GRID2: variants seen among roughly 807,000 people sequenced by gnomAD.
The protein encoded by GRID2 is glutamate receptor ionotropic, delta-2.
Under a neutral mutation model 114.8 loss-of-function variants are expected in GRID2, and 33 were observed. The observed-to-expected ratio is 0.29, with a 90% CI of 0.22 to 0.38. GRID2 has a LOEUF of 0.38. Ranked by LOEUF, GRID2 falls within the 10% of genes least tolerant of loss-of-function variation. GRID2 has a pLI of 1.00. For missense variants in GRID2, 1,184 were observed against 1,257.7 expected, an observed-to-expected ratio of 0.94 and a Z score of 0.89; for synonymous variants, 505 against 449.9, an observed-to-expected ratio of 1.12 and a Z score of -1.55.
At chr4:93,338,540 T>C (rs1759320201) in intron 8 of GRID2, among the ~76,000 whole-genome samples, 1 of 152,164 alleles carries the variant, frequency 6.6e-6, no homozygotes, top group Admixed American at 6.6e-5. Flanking sequence ...TTGAATATAA[T>C]TTTTATAATA....
At chr4:92,953,715 A>C (rs1440927366) in intron 2 of GRID2, among the ~76,000 whole-genome samples, 2 of 152,208 alleles carry the variant, frequency 1.3e-5, no homozygotes, top group East Asian at 3.9e-4. Context: ...TCTCACTGAG[A>C]GTCCCAACAA....
chr4:93,459,303 A>T (rs1037285494), intron 11 of GRID2, among the ~76,000 whole-genome samples: 7 of 152,142 alleles, frequency 4.6e-5, no homozygotes, highest in Non-Finnish European at 1.0e-4. Context: ...CTGTATTTAT[A>T]AAATAGGACA....
intron 8 of GRID2, among the ~76,000 whole-genome samples, chr4:93,312,827 G>A (rs757899355): frequency 6.6e-6 from 1 of 152,122 alleles, no homozygotes; most frequent in Non-Finnish European, 1.5e-5. Context: ...CTTAATCAGA[G>A]CGTTGTTAAT....
chr4:93,597,236 T>C (rs1260613109), intron 13 of GRID2, among the ~76,000 whole-genome samples: 1 of 152,238 alleles, frequency 6.6e-6, no homozygotes, highest in Admixed American at 6.5e-5. Flanking sequence ...TTTAACAAAT[T>C]GAAAATTAAT....
At chr4:92,393,055 T>C (rs1482537287) in intron 1 of GRID2, among the ~76,000 whole-genome samples, 1 of 152,076 alleles carries the variant, frequency 6.6e-6, no homozygotes, top group Non-Finnish European at 1.5e-5. Flanking sequence ...CTTTTACTCA[T>C]GGGGGAAGGT....
At chr4:92,831,384 T>C (rs1359105575) in intron 2 of GRID2, among the ~76,000 whole-genome samples, 3 of 151,940 alleles carry the variant, frequency 2.0e-5, no homozygotes, top group South Asian at 2.1e-4. Flanking sequence ...AAAAAGGTAA[T>C]GTACAACTCA....
chr4:93,521,156 G>T (rs1730299584), intron 13 of GRID2, among the ~76,000 whole-genome samples: 1 of 152,140 alleles, frequency 6.6e-6, no homozygotes, highest in African/African-American at 2.4e-5. Context: ...GAGGGATGGA[G>T]TTGCCATTTA....
intron 2 of GRID2, among the ~76,000 whole-genome samples, chr4:93,008,736 G>A (rs1415101387): frequency 5.3e-5 from 8 of 151,882 alleles, no homozygotes; most frequent in East Asian, 1.9e-4. Context: ...CTTTTGCATC[G>A]GCCATAGATA....
chr4:92,445,145 A>T (rs1733384243), intron 1 of GRID2, among the ~76,000 whole-genome samples: 1 of 152,168 alleles, frequency 6.6e-6, no homozygotes, highest in Admixed American at 6.5e-5. Context: ...CTCTTAACTC[A>T]TTTGATCTTG....
chr4:93,340,130 A>G (rs1379863755), intron 8 of GRID2, among the ~76,000 whole-genome samples: 2 of 151,558 alleles, frequency 1.3e-5, no homozygotes, highest in Non-Finnish European at 2.9e-5. Flanking sequence ...TTCCTTTTTG[A>G]TTTTTTTGTG....
chr4:92,534,508 C>T (rs1350699014), intron 1 of GRID2, among the ~76,000 whole-genome samples: 2 of 152,120 alleles, frequency 1.3e-5, no homozygotes, highest in Non-Finnish European at 2.9e-5. Context: ...AGTTTAAATA[C>T]TGAACAAGTC....
intron 10 of GRID2, among the ~76,000 whole-genome samples, chr4:93,427,732 T>C (rs1768991137): frequency 6.6e-6 from 1 of 152,032 alleles, no homozygotes; most frequent in Non-Finnish European, 1.5e-5. Flanking sequence ...ATTGATATGA[T>C]GTACATATGG....
intron 1 of GRID2, among the ~76,000 whole-genome samples, chr4:92,332,977 T>C (rs977926907): frequency 2.0e-5 from 3 of 152,160 alleles, no homozygotes; most frequent in African/African-American, 7.2e-5. Context: ...CAAGTCTACT[T>C]GGCTGGAATT....
intron 1 of GRID2, among the ~76,000 whole-genome samples, chr4:92,444,526 G>A (rs62598625): frequency 1.6e-4 from 25 of 152,128 alleles, no homozygotes; most frequent in South Asian, 4.1e-4. Context: ...GTGGTGGAAT[G>A]TCATCAGTTA....
intron 2 of GRID2, among the ~76,000 whole-genome samples, chr4:92,777,155 T>C (rs192051799): frequency 6.6e-6 from 1 of 151,846 alleles, no homozygotes; most frequent in East Asian, 1.9e-4. Flanking sequence ...CTGGTAAAAA[T>C]TACCTTGAAA....
intron 2 of GRID2, among the ~76,000 whole-genome samples, chr4:92,596,956 T>G (rs1353645730): frequency 6.6e-6 from 1 of 152,086 alleles, no homozygotes; most frequent in Non-Finnish European, 1.5e-5. Flanking sequence ...TGAAAAAGCA[T>G]GCCGTTCCCC....
intron 4 of GRID2, among the ~76,000 whole-genome samples, chr4:93,158,079 A>G (rs1438294959): frequency 2.6e-5 from 4 of 151,782 alleles, no homozygotes; most frequent in Admixed American, 6.6e-5. Context: ...AACTTTCTCA[A>G]TCACACAGCA....
intron 2 of GRID2, among the ~76,000 whole-genome samples, chr4:92,889,163 GA>G (rs1746572761): frequency 6.6e-6 from 1 of 152,116 alleles, no homozygotes. Context: ...GTATTTAAGA[GA>G]AAGTAATTTT....
intron 14 of GRID2, among the ~76,000 whole-genome samples, chr4:93,761,885 T>C (rs192118366): frequency 2.4e-4 from 37 of 152,308 alleles, no homozygotes; most frequent in African/African-American, 8.7e-4. Flanking sequence ...AGGAAGTTGA[T>C]AGAATTGATT....
Sources: gnomAD v4.1 joint callset for allele counts (sites outside exome capture counted in the v4.1 genomes callset) on GRCh38, gnomAD v4.1.1 for gene constraint, MANE v1.5 for transcripts, NCBI Gene and HGNC (gene_info 2026-07-23, HGNC 2026-07-21) for gene names.